Variants in PLD1 observed in about 807,000 individuals in gnomAD.
PLD1 encodes the protein choline phosphatase 1.
In PLD1, 112 loss-of-function variants were observed where a neutral mutation model predicts 137.1. The observed-to-expected ratio is 0.82, with a 90% CI of 0.70 to 0.96. The LOEUF (loss-of-function observed/expected upper bound fraction) is 0.96. Ranked by LOEUF, PLD1 falls within the 40% of genes least tolerant of loss-of-function variation. The pLI, the probability that PLD1 is intolerant of heterozygous loss-of-function variation, is 0.00. For synonymous variants in PLD1, 431 were observed against 454.7 expected (o/e 0.95, Z 0.66); for missense variants, 1,321 against 1,342.0 (o/e 0.98, Z 0.24).
chr3:171,764,501 A>G (rs1285572681), intron 1 of PLD1, among the ~76,000 whole-genome samples: 1 of 152,162 alleles, frequency 6.6e-6, no homozygotes, highest in South Asian at 2.1e-4. Context: ...GATCTAACCC[A>G]GTAATTTTGC....
intron 16 of PLD1, among the ~76,000 whole-genome samples, chr3:171,684,220 G>A (rs2108501738): frequency 6.6e-6 from 1 of 152,250 alleles, no homozygotes; most frequent in South Asian, 2.1e-4. Context: ...TCCACTTGCT[G>A]TCAATCCTAT....
intron 16 of PLD1, among the ~76,000 whole-genome samples, chr3:171,682,162 AAGAAAAAG>A (rs1227246967): frequency 6.7e-5 from 3 of 44,784 alleles, no homozygotes; most frequent in African/African-American, 2.5e-4. Context: ...GAAAGAAAGA[AAGAAAAAG>A]AAAGAAAGAA....
chr3:171,600,784 G>A lies in PLD1; in HGVS notation c.*2294C>T, dbSNP rs1731784760. The A allele has an allele frequency of 1.3e-5, 2 of 152,138 alleles. No individual in the cohort carries two copies. Among genetic ancestry groups the A allele is most frequent in the Admixed American group, 1.3e-4 (2 of 15,272 alleles). The allele number at this position is 152,138 out of a possible 1,614,324, so 9.4% of individuals were successfully genotyped here. ...GGAAGATGCAATAGAAAAGGAACTT[G>A]CCATAGAAAGCAGTAGTAAGACTTC... is the stretch of plus-strand genomic sequence containing the variant. On this transcript the variant is annotated 3_prime_UTR_variant, in exon 27 of 27. Coordinates refer to ENST00000351298, the MANE Select transcript of PLD1 (RefSeq NM_002662.5).
In PLD1 at chr3:171,688,813, C is replaced by T. The variant is rs1355643102; in HGVS notation, c.1402G>A (p.Val468Ile). 6.2e-7 allele frequency: 1 copy of T among 1,614,018 alleles called. No individual in the cohort carries two copies. The highest frequency in any genetic ancestry group is 1.3e-5 in the African/African-American group (1 of 74,908). ...AAGGCCACCGATTGGTCAATGATGA[C>T]AAGCTTCTCATGGTGAGCCCACAAA... ...VYLWAHHEKL[V>I]IIDQSVAFVG... is the part of the protein sequence containing the mutation. The change falls in exon 14 of 27, where the codon GTC (valine) becomes ATC (isoleucine). Residue 468 changes from valine (V) to isoleucine (I), a missense_variant. Physicochemically the swap from Val to Ile is conservative, Grantham distance 29 (BLOSUM62 3). Coordinates refer to ENST00000351298, the MANE Select transcript of PLD1 (RefSeq NM_002662.5).
chr3:171,695,030 A>G (rs1715552334), intron 12 of PLD1, among the ~76,000 whole-genome samples: 1 of 152,180 alleles, frequency 6.6e-6, no homozygotes, highest in Admixed American at 6.5e-5. Context: ...ATAAACAGTT[A>G]ATTAGTGACA....
chr3:171,636,393 C>T (rs1189358855), intron 23 of PLD1, among the ~76,000 whole-genome samples: 3 of 152,016 alleles, frequency 2.0e-5, no homozygotes, highest in Non-Finnish European at 4.4e-5. Context: ...AATGCTAAGT[C>T]TTTCAATCCA....
At chr3:171,729,970 T>C (rs1246974827) in intron 6 of PLD1, among the ~76,000 whole-genome samples, 1 of 152,212 alleles carries the variant, frequency 6.6e-6, no homozygotes, top group East Asian at 1.9e-4. Flanking sequence ...AGTTAAATGA[T>C]TTACTTCAAG....
At chr3:171,676,633 C>T (rs1560205845) in intron 18 of PLD1, 82 bp downstream of exon 18, 7 of 1,046,122 alleles carry the variant, frequency 6.7e-6, no homozygotes, top group Non-Finnish European at 1.0e-5. Context: ...TCTCTTCTTG[C>T]TACCAGCCTC....
chr3:171,780,099 TACATAA>T (rs1287342270), intron 1 of PLD1, among the ~76,000 whole-genome samples: 8 of 138,956 alleles, frequency 5.8e-5, no homozygotes, highest in African/African-American at 2.7e-4. Context: ...GGGGTTTATA[TACATAA>T]GTCTGAGATT....
intron 1 of PLD1, among the ~76,000 whole-genome samples, chr3:171,808,809 C>A (rs1421299088): frequency 3.7e-4 from 44 of 119,054 alleles, no homozygotes; most frequent in Admixed American, 6.7e-4. Context: ...AAAGCCTTAG[C>A]ATTCAATTTT....
At position 171,683,837 on chromosome 3, in the gene PLD1, C is replaced by T. The variant is rs147985655; in HGVS notation, c.1867+2848G>A. On this transcript the variant is annotated intron_variant, in intron 16 of 26. Transcript: ENST00000351298. ...TGGCATATAACAGAAACTCAATAAA[C>T]ACTTATTTAATTAAATAAATAAATC... 2.6e-5 allele frequency among the ~76,000 whole-genome samples: 4 copies of T among 152,306 alleles called. No individual in the cohort carries two copies. The East Asian group carries it at 7.7e-4, about 29-fold the overall frequency.
chr3:171,673,576 T>TA (rs1435286508), intron 19 of PLD1, among the ~76,000 whole-genome samples: 3 of 151,874 alleles, frequency 2.0e-5, no homozygotes, highest in Non-Finnish European at 2.9e-5. Context: ...TGGCCTTTTT[T>TA]AAAAAAAGTT....
chr3:171,766,811 C>T (rs1181300377), intron 1 of PLD1, among the ~76,000 whole-genome samples: 2 of 151,944 alleles, frequency 1.3e-5, no homozygotes, highest in African/African-American at 2.4e-5. Context: ...TTTATTTTTT[C>T]GTTTCTTTTC....
intron 1 of PLD1, among the ~76,000 whole-genome samples, chr3:171,807,132 C>T (rs1030959507): frequency 6.6e-6 from 1 of 152,180 alleles, no homozygotes; most frequent in South Asian, 2.1e-4. Flanking sequence ...CACAGTGAGA[C>T]GCCATCTTTA....
At chr3:171,676,320 C>T (rs189920003) in intron 18 of PLD1, among the ~76,000 whole-genome samples, 3 of 152,040 alleles carry the variant, frequency 2.0e-5, no homozygotes, top group Non-Finnish European at 2.9e-5. Flanking sequence ...AATTCCAGTC[C>T]CATCCAACTG....
At chr3:171,633,411 C>G (rs961385979) in intron 23 of PLD1, among the ~76,000 whole-genome samples, 1 of 152,026 alleles carries the variant, frequency 6.6e-6, no homozygotes, top group African/African-American at 2.4e-5. Flanking sequence ...ATCTGAGAAC[C>G]TGGAGATTTA....
intron 25 of PLD1, among the ~76,000 whole-genome samples, chr3:171,607,862 CTG>C (rs933540671): frequency 1.3e-5 from 2 of 152,138 alleles, no homozygotes; most frequent in African/African-American, 4.8e-5. Flanking sequence ...ATGTTTGATT[CTG>C]TCTCTATTTA....
intron 16 of PLD1, among the ~76,000 whole-genome samples, chr3:171,685,000 AAAATGCAGCGT>A (rs1439282940): frequency 6.6e-6 from 1 of 152,256 alleles, no homozygotes; most frequent in Non-Finnish European, 1.5e-5. Context: ...TGCATTTTTT[AAAATGCAGCGT>A]AGCTGGACCA....
chr3:171,763,976 G>GT (rs1214311946), intron 1 of PLD1, among the ~76,000 whole-genome samples: 2 of 151,542 alleles, frequency 1.3e-5, no homozygotes, highest in Non-Finnish European at 2.9e-5. Context: ...TTAGCGTTTA[G>GT]TTTTTACCAA....
Sources: allele counts gnomAD v4.1 joint callset (sites outside exome capture counted in the v4.1 genomes callset), GRCh38; gene constraint gnomAD v4.1.1; transcripts MANE v1.5; gene names NCBI Gene and HGNC (gene_info 2026-07-23, HGNC 2026-07-21).